The following MDN1 variants were observed in gnomAD, a reference collection of about 807,000 sequenced individuals.
MDN1 encodes midasin AAA ATPase 1, also known as midasin.
Under a neutral mutation model 669.2 loss-of-function variants are expected in MDN1, and 266 were observed. That is an observed-to-expected ratio of 0.40 (90% CI 0.36 to 0.44). The LOEUF (loss-of-function observed/expected upper bound fraction) is 0.44, where lower values mean the gene tolerates loss of function less well. MDN1 is among the 20% of genes least tolerant of loss of function. The pLI, the probability that MDN1 is intolerant of heterozygous loss-of-function variation, is 1.00. For synonymous variants in MDN1, 2,385 were observed against 2,457.1 expected, an observed-to-expected ratio of 0.97 and a Z score of 0.87; for missense variants, 5,940 against 6,754.0, an observed-to-expected ratio of 0.88 and a Z score of 4.22.
chr6:89,806,487 G>A (rs1159922689), intron 1 of MDN1, among the ~76,000 whole-genome samples: 1 of 152,096 alleles, frequency 6.6e-6, no homozygotes, highest in African/African-American at 2.4e-5. Flanking sequence ...GAGGCAGAGG[G>A]TGGTGGATCA....
chr6:89,690,884 TCA>T, intron 63 of MDN1, 50 bp from the exon 64 acceptor site: 3 of 1,581,486 alleles, frequency 1.9e-6, no homozygotes, highest in Non-Finnish European at 2.6e-6. Context: ...GCTGAGGCAT[TCA>T]CAAAGGCAAG....
intron 9 of MDN1, among the ~76,000 whole-genome samples, chr6:89,783,042 G>A (rs1016786703): frequency 5.3e-5 from 8 of 152,120 alleles, no homozygotes; most frequent in Admixed American, 1.3e-4. Context: ...AAACATGTGT[G>A]TTTGAACAAT....
At chr6:89,790,492 C>T (rs763004004) in intron 5 of MDN1, 91 bp from the exon 6 acceptor site, 340 of 1,494,820 alleles carry the variant, frequency 2.3e-4, no homozygotes, top group Non-Finnish European at 2.9e-4. Context: ...ACTAACCTTA[C>T]ACAAACCTCT....
chr6:89,809,099 C>A (rs532165921), intron 1 of MDN1, among the ~76,000 whole-genome samples: 544 of 151,190 alleles, frequency 3.6e-3, no homozygotes, highest in Non-Finnish European at 5.4e-3. Flanking sequence ...AGCCTGTAAT[C>A]CCAGCTACCA....
chr6:89,685,755 T>C, intron 70 of MDN1, 72 bp downstream of exon 70: 1 of 1,536,792 alleles, frequency 6.5e-7, no homozygotes, highest in Non-Finnish European at 8.8e-7. Flanking sequence ...GGCACCTGTC[T>C]CATGCAGAGA....
chr6:89,734,899 GT>G (rs200183493), intron 33 of MDN1, among the ~76,000 whole-genome samples: 18 of 145,592 alleles, frequency 1.2e-4, no homozygotes, highest in East Asian at 2.0e-4. Flanking sequence ...TTTCTTGGTT[GT>G]TTTTTTTTTT....
At chr6:89,759,315 A>G (rs1817415474) in intron 17 of MDN1, among the ~76,000 whole-genome samples, 1 of 152,226 alleles carries the variant, frequency 6.6e-6, no homozygotes, top group Non-Finnish European at 1.5e-5. Context: ...AAGATTAGAC[A>G]AATGTCTAAA....
intron 46 of MDN1, among the ~76,000 whole-genome samples, chr6:89,713,557 G>A (rs1814105086): frequency 1.3e-5 from 2 of 152,040 alleles, no homozygotes; most frequent in Non-Finnish European, 2.9e-5. Context: ...GATAAAGTCT[G>A]GTCACATATA....
chr6:89,814,760 C>A (rs139976960), intron 1 of MDN1: 11 of 397,758 alleles, frequency 2.8e-5, no homozygotes, highest in South Asian at 2.2e-4. Context: ...CAGCAAGGAG[C>A]GGCAGCCTAT....
At chr6:89,702,934 G>A (rs1340603164) in intron 53 of MDN1, among the ~76,000 whole-genome samples, 1 of 131,456 alleles carries the variant, frequency 7.6e-6, no homozygotes, top group Non-Finnish European at 1.6e-5. Flanking sequence ...TAGGGGTAAA[G>A]GCCCTTTTTT....
At chr6:89,711,965 C>A in intron 49 of MDN1, 71 bp downstream of exon 49, 1 of 1,328,976 alleles carries the variant, frequency 7.5e-7, no homozygotes, top group Non-Finnish European at 1.0e-6. Flanking sequence ...ATTAACACAG[C>A]TGCTGAGGCA....
intron 94 of MDN1, 81 bp from the exon 95 acceptor site, chr6:89,652,362 A>G: frequency 1.9e-6 from 2 of 1,033,028 alleles, no homozygotes; most frequent in South Asian, 2.6e-5. Flanking sequence ...TCCGCCCTAC[A>G]GTATGAACTC....
chr6:89,686,656 TG>T (rs1812029288), intron 69 of MDN1, among the ~76,000 whole-genome samples: 2 of 152,260 alleles, frequency 1.3e-5, no homozygotes, highest in African/African-American at 4.8e-5. Flanking sequence ...ATCCTACGAC[TG>T]GTTCTCTAGA....
intron 63 of MDN1, 34 bp downstream of exon 63, chr6:89,692,409 G>T: frequency 6.4e-7 from 1 of 1,563,716 alleles, no homozygotes; most frequent in Non-Finnish European, 8.7e-7. Flanking sequence ...TCTGCAGGAG[G>T]AAGGGCAGGG....
intron 15 of MDN1, among the ~76,000 whole-genome samples, chr6:89,763,452 G>A (rs1270885072): frequency 6.6e-6 from 1 of 151,842 alleles, no homozygotes. Flanking sequence ...AAATTCCTCT[G>A]GCTAAGGAGC....
intron 7 of MDN1, among the ~76,000 whole-genome samples, 170 bp from the exon 8 acceptor site, chr6:89,788,127 C>G (rs965544296): frequency 2.6e-5 from 4 of 152,228 alleles, no homozygotes; most frequent in African/African-American, 4.8e-5. Flanking sequence ...ATCACCTACA[C>G]TCCAGCACAA....
chr6:89,745,249 T>G, intron 29 of MDN1, 24 bp downstream of exon 29: 1 of 1,613,262 alleles, frequency 6.2e-7, no homozygotes, highest in Non-Finnish European at 8.5e-7. Flanking sequence ...TGAACCCTCA[T>G]GAGTCACTGT....
In MDN1 at chr6:89,738,281, C is replaced by T. The variant is rs758828657; in HGVS notation, c.4723+45G>A. 6.9e-6 allele frequency: 11 copies of T among 1,601,334 alleles called. 1 individual carries two copies. The highest frequency in any genetic ancestry group is 3.3e-4 in the Middle Eastern group (2 of 5,990). On this transcript the variant is annotated intron_variant, in intron 33 of 101. Transcript: ENST00000369393. Reference sequence around the variant, plus strand: ...GAGATCCCTCAACTCCCAACACAAACCCTTCTATGACCCAATACTACCATC... The same window carrying T: ...GAGATCCCTCAACTCCCAACACAAATCCTTCTATGACCCAATACTACCATC...
chr6:89,795,162 G>A (rs981360188), intron 2 of MDN1, among the ~76,000 whole-genome samples: 2 of 152,184 alleles, frequency 1.3e-5, no homozygotes, highest in Admixed American at 1.3e-4. Context: ...GGTACTTAAT[G>A]TAAGTGTTTA....
Sources: gnomAD v4.1 joint callset for allele counts (sites outside exome capture counted in the v4.1 genomes callset) on GRCh38, gnomAD v4.1.1 for gene constraint, MANE v1.5 for transcripts, NCBI Gene and HGNC (gene_info 2026-07-23, HGNC 2026-07-21) for gene names.